PCDHGA5: variants seen among roughly 807,000 people sequenced by gnomAD.
The protein encoded by PCDHGA5 is protocadherin gamma-A5.
A neutral mutation model predicts 56.7 loss-of-function variants in PCDHGA5; 36 were observed. The observed-to-expected ratio is 0.64, with a 90% CI of 0.49 to 0.84. The LOEUF (loss-of-function observed/expected upper bound fraction) is 0.84. PCDHGA5 is among the 40% of genes least tolerant of loss of function. The pLI, the probability that PCDHGA5 is intolerant of heterozygous loss-of-function variation, is 0.00. For synonymous variants in PCDHGA5, 563 were observed against 520.2 expected (o/e 1.08, Z -1.12); for missense variants, 1,305 against 1,201.5 (o/e 1.09, Z -1.27).
rs759809060 is a variant in PCDHGA5, at chr5:141,476,317, G to A, written c.2422-18490G>A. 1.2e-6 allele frequency: 2 copies of A among 1,614,170 alleles called. No individual in the cohort carries two copies. Among genetic ancestry groups the A allele is most frequent in the South Asian group, 2.2e-5 (2 of 91,078 alleles). On this transcript the variant is annotated intron_variant, in intron 1 of 3. Coordinates refer to ENST00000518069, the MANE Select transcript of PCDHGA5 (RefSeq NM_018918.3). This position sits in a 1 kb window ranked among gnomAD's most constrained non-coding sequence, Gnocchi z 7.6. Reference sequence around the variant, plus strand: ...GTAGCCTCTCAGCCCGCAGGTTCCGGGTGGTGTCTGGAGCTAGCCGAAGAT... The same window carrying A: ...GTAGCCTCTCAGCCCGCAGGTTCCGAGTGGTGTCTGGAGCTAGCCGAAGAT...
rs534304763 is a variant in PCDHGA5 at position 141,394,533 on chromosome 5, G to T, written c.2421+27782G>T. 2 of 1,614,092 alleles carry T rather than the reference G, an allele frequency of 1.2e-6. No individual in the cohort carries two copies. The highest frequency in any genetic ancestry group is 3.3e-5 in the Admixed American group (2 of 60,014). On this transcript the variant is annotated intron_variant, in intron 1 of 3. Transcript: ENST00000518069. Reference sequence around the variant, plus strand: ...CGCCCTCCCCACAGACGGTTCCACTGGCGTGGAGCTGGCGCCCCGCTCCGC... The same window carrying T: ...CGCCCTCCCCACAGACGGTTCCACTTGCGTGGAGCTGGCGCCCCGCTCCGC...
chr5:141,373,280 A>C (rs1187870137), intron 1 of PCDHGA5, among the ~76,000 whole-genome samples: 2 of 152,242 alleles, frequency 1.3e-5, no homozygotes, highest in African/African-American at 2.4e-5. Flanking sequence ...GATGTTGCCT[A>C]TGTCAGGGCA....
intron 1 of PCDHGA5, among the ~76,000 whole-genome samples, chr5:141,481,820 C>T (rs2099545799): frequency 6.6e-6 from 1 of 150,726 alleles, no homozygotes; most frequent in Non-Finnish European, 1.5e-5. Context: ...GGCGTGGTGG[C>T]TGAGGCAGGA....
intron 1 of PCDHGA5, chr5:141,417,070 G>A (rs1324168481): frequency 6.6e-6 from 1 of 151,864 alleles, no homozygotes; most frequent in Non-Finnish European, 1.5e-5. Flanking sequence ...TGTAGCTATT[G>A]TGAGAAAATA....
Position 141,409,505 on chromosome 5 carries a change from A to G in PCDHGA5, c.2421+42754A>G, listed in dbSNP as rs1361558030. 5.6e-6 allele frequency: 9 copies of G among 1,614,036 alleles called. No homozygotes were observed. In the Middle Eastern group the frequency reaches 4.9e-4, roughly 89 times the overall value. On this transcript the variant is annotated intron_variant, in intron 1 of 3. Coordinates refer to ENST00000518069, the MANE Select transcript of PCDHGA5 (RefSeq NM_018918.3). Reference sequence around the variant, plus strand: ...CAGGGGCAAGCCGCCTCTTTCTTCCAGTAGAAGCATCACCTTGTATGTCGC... The same window carrying G: ...CAGGGGCAAGCCGCCTCTTTCTTCCGGTAGAAGCATCACCTTGTATGTCGC...
At position 141,393,204 on chromosome 5, in the gene PCDHGA5, C is replaced by G. The variant is rs373432896; in HGVS notation, c.2421+26453C>G. On this transcript the variant is annotated intron_variant, in intron 1 of 3. Transcript: ENST00000518069. ...AATAATTGATATTAACGATAATAAC[C>G]CAAAATTCCAGGTCGAAGATCTAGA... 7 of 1,613,342 alleles carry G rather than the reference C, an allele frequency of 4.3e-6. No homozygotes were observed. In the East Asian group the frequency reaches 1.6e-4, roughly 36 times the overall value.
intron 1 of PCDHGA5, among the ~76,000 whole-genome samples, chr5:141,483,630 G>A (rs2099583876): frequency 6.7e-6 from 1 of 149,714 alleles, no homozygotes; most frequent in African/African-American, 2.5e-5. Flanking sequence ...ATGGGAGAAG[G>A]TATAGAGGGG....
chr5:141,392,187 AT>A (rs1221931532), intron 1 of PCDHGA5: 1 of 152,234 alleles, frequency 6.6e-6, no homozygotes, highest in Non-Finnish European at 1.5e-5. Context: ...CAGTAGGTCT[AT>A]TTTAGTCTCA....
In PCDHGA5 at chr5:141,489,744, C is replaced by T. The variant is rs185263705; in HGVS notation, c.2422-5063C>T. The T allele has an allele frequency of 1.1e-5, 18 of 1,614,144 alleles. No homozygotes were observed. In the Admixed American group the frequency reaches 2.8e-4, roughly 25 times the overall value. Reference sequence around the variant, plus strand: ...CGGATGTGGGCACCAATACTGTGAGCTTTTACACTCTAAGCCCCAACAGCC... The same window carrying T: ...CGGATGTGGGCACCAATACTGTGAGTTTTTACACTCTAAGCCCCAACAGCC... On this transcript the variant is annotated intron_variant, in intron 1 of 3. Transcript: ENST00000518069. This position sits in a 1 kb window ranked among gnomAD's most constrained non-coding sequence, Gnocchi z 4.5.
At chr5:141,389,281 G>T in intron 1 of PCDHGA5, 2 of 1,614,012 alleles carry the variant, frequency 1.2e-6, no homozygotes, top group Non-Finnish European at 1.7e-6. Context: ...AACCCGCCTG[G>T]AGCCTCTATT....
chr5:141,469,476 G>A (rs2154570344), intron 1 of PCDHGA5, among the ~76,000 whole-genome samples: 1 of 152,246 alleles, frequency 6.6e-6, no homozygotes, highest in South Asian at 2.1e-4. Context: ...TCGGGAGGCT[G>A]AGGCAGGAGA....
At chr5:141,510,653 T>G (rs1388568365) in intron 3 of PCDHGA5, among the ~76,000 whole-genome samples, 1 of 152,184 alleles carries the variant, frequency 6.6e-6, no homozygotes, top group Non-Finnish European at 1.5e-5. Context: ...ATCCCCATTT[T>G]GCAGATGAGA....
chr5:141,374,090 C>T, intron 1 of PCDHGA5: 1 of 1,535,464 alleles, frequency 6.5e-7, no homozygotes, highest in Non-Finnish European at 8.8e-7. Context: ...AGTAATGGCG[C>T]CTCCGCAGAG....
intron 1 of PCDHGA5, chr5:141,475,845 G>C: frequency 4.5e-6 from 2 of 448,002 alleles, no homozygotes; most frequent in Non-Finnish European, 7.9e-6. Context: ...TGCTCAGAGA[G>C]CCCGGCGCTA....
At chr5:141,478,524 C>T in intron 1 of PCDHGA5, 1 of 1,609,844 alleles carries the variant, frequency 6.2e-7, no homozygotes, top group Non-Finnish European at 8.5e-7. Flanking sequence ...GTGTTGGGTG[C>T]AGAGAGCGCC....
At chr5:141,383,684 T>C in intron 1 of PCDHGA5, 5 of 1,614,014 alleles carry the variant, frequency 3.1e-6, no homozygotes, top group Non-Finnish European at 4.2e-6. Flanking sequence ...ACAAGACTGC[T>C]CACGGTACAT....
chr5:141,372,404 G>C (rs761162819), intron 1 of PCDHGA5: 4 of 1,613,930 alleles, frequency 2.5e-6, no homozygotes, highest in Admixed American at 3.3e-5. Flanking sequence ...GCTTGCAAGA[G>C]ATACAACCTG....
chr5:141,474,486 C>G (rs531956129), intron 1 of PCDHGA5, among the ~76,000 whole-genome samples: 11 of 152,326 alleles, frequency 7.2e-5, no homozygotes, highest in African/African-American at 2.4e-4. Context: ...TAAATGTATT[C>G]TATCTTCTAA....
intron 3 of PCDHGA5, chr5:141,508,179 AG>A (rs1250335236): frequency 1.3e-5 from 2 of 152,326 alleles, no homozygotes; most frequent in Non-Finnish European, 2.9e-5. Flanking sequence ...ACAGGAGAGA[AG>A]GCATCACCCC....
Sources: allele counts gnomAD v4.1 joint callset (sites outside exome capture counted in the v4.1 genomes callset), GRCh38; gene constraint gnomAD v4.1.1; non-coding constraint Gnocchi (gnomAD v3.1); transcripts MANE v1.5; gene names NCBI Gene and HGNC (gene_info 2026-07-23, HGNC 2026-07-21).